The following SPIC variants were observed in gnomAD, a reference collection of about 807,000 sequenced individuals.
SPIC encodes Spi-C transcription factor.
A neutral mutation model predicts 16.7 loss-of-function variants in SPIC; 9 were observed. The ratio of observed to expected loss-of-function variants is 0.54; its 90% CI spans 0.33 to 0.94. The LOEUF (loss-of-function observed/expected upper bound fraction) is 0.94, where lower values mean the gene tolerates loss of function less well. Ranked by LOEUF, SPIC falls within the 40% of genes least tolerant of loss-of-function variation. The pLI is 0.03. For missense variants in SPIC, 241 were observed against 285.8 expected (o/e 0.84, Z 1.13); for synonymous variants, 97 against 102.9 (o/e 0.94, Z 0.35).
rs571057471 is a variant in SPIC at position 101,477,415 on chromosome 12, C to T, written c.4-143C>T. On this transcript the variant is annotated intron_variant, in intron 2 of 5. Transcript: ENST00000551346. ...ATCGTACAATGCACAGGCAGCCCCC[C>T]TGACAACAGAGACAGCCAACACCAA... 15 of 736,386 alleles carry T rather than the reference C, an allele frequency of 2.0e-5. No homozygotes were observed. The South Asian group carries it at 2.6e-4, about 13-fold the overall frequency. 45.6% of individuals were successfully genotyped at this position (736,386 alleles called of 1,614,324 possible). A position where few individuals can be genotyped will look rare whatever the true frequency, so the allele number is the denominator to read the frequency against.
At chr12:101,482,661 G>A in intron 4 of SPIC, 131 bp from the exon 5 acceptor site, 1 of 771,274 alleles carries the variant, frequency 1.3e-6, no homozygotes, top group Non-Finnish European at 2.2e-6. Flanking sequence ...CTATCTGGCT[G>A]CAGTTGGGGG....
intron 2 of SPIC, among the ~76,000 whole-genome samples, 173 bp from the exon 3 acceptor site, chr12:101,477,385 T>C (rs970047660): frequency 1.3e-5 from 2 of 152,108 alleles, no homozygotes; most frequent in African/African-American, 4.8e-5. Context: ...GGGAAGCTGC[T>C]AAACATCGTA....
Position 101,485,740 on chromosome 12 carries a change from T to A in SPIC, c.320-604T>A, listed in dbSNP as rs185895908. Among the ~76,000 whole-genome samples, 341 of 152,376 alleles carry A rather than the reference T, an allele frequency of 2.2e-3. 1 individual carries two copies. The highest frequency in any genetic ancestry group is 7.6e-3 in the African/African-American group (317 of 41,592). ...TTTTGAGGCTTCTCTTCGAAACTGCTAAACTTGTGGTCCATTTTGCTCAAT... is the reference window on the plus strand; with the variant it reads ...TTTTGAGGCTTCTCTTCGAAACTGCAAAACTTGTGGTCCATTTTGCTCAAT... On this transcript the variant is annotated intron_variant, in intron 5 of 5. Transcript: ENST00000551346.
chr12:101,478,854 G>A (rs536037598), intron 3 of SPIC, among the ~76,000 whole-genome samples: 1 of 152,132 alleles, frequency 6.6e-6, no homozygotes, highest in Admixed American at 6.6e-5. Flanking sequence ...GAAATCATGT[G>A]GGCAGGGCAT....
rs772854539 is a variant in SPIC, at chr12:101,479,294, AAG to A, written c.98-286_98-285del. On this transcript the variant is annotated intron_variant, in intron 3 of 5. Coordinates refer to ENST00000551346, the MANE Select transcript of SPIC (RefSeq NM_152323.3). ...AGAAAGAAAGAAAGAAAAAGAAAGA[AAG>A]AAAGAAAGAAAAAAGAAAGAAAGAA... Among the ~76,000 whole-genome samples the A allele has an allele frequency of 1.9e-4, 9 of 47,558 alleles. 2 individuals are homozygous for A. The highest frequency in any genetic ancestry group is 3.2e-4 in the Non-Finnish European group (8 of 25,128). 31.2% of individuals were successfully genotyped at this position (47,558 alleles called of 152,430 possible). A position where few individuals can be genotyped will look rare whatever the true frequency, so the allele number is the denominator to read the frequency against.
At chr12:101,485,230 A>G (rs1010434895) in intron 5 of SPIC, among the ~76,000 whole-genome samples, 8 of 152,198 alleles carry the variant, frequency 5.3e-5, no homozygotes, top group African/African-American at 1.7e-4. Flanking sequence ...TTTTTTAGCT[A>G]CTGACAGATC....
intron 1 of SPIC, among the ~76,000 whole-genome samples, chr12:101,476,518 T>C (rs191389986): frequency 1.2e-4 from 19 of 152,240 alleles, no homozygotes; most frequent in Admixed American, 1.2e-3. Context: ...AATTTTAGAA[T>C]ATTTAAAATA....
chr12:101,477,633 G>C lies in SPIC; in HGVS notation c.79G>C (p.Asp27His). 7 of 1,613,050 alleles carry C rather than the reference G, an allele frequency of 4.3e-6. No homozygotes were observed. The highest frequency in any genetic ancestry group is 1.1e-5 in the South Asian group (1 of 91,038). Reference protein sequence around the residue: ...FEVLRQHSTGDLQYSPDYRNY... With the variant: ...FEVLRQHSTGHLQYSPDYRNY... Reference sequence around the variant, plus strand: ...GGTTCTGAGGCAACATTCAACTGGAGATCTTCAGTACTCGCCAGGTAAAGA... The same window carrying C: ...GGTTCTGAGGCAACATTCAACTGGACATCTTCAGTACTCGCCAGGTAAAGA... Residue 27 changes from aspartate to histidine, a missense_variant, in exon 3 of 6, where the codon GAT becomes CAT. Asp to His is a moderately conservative substitution (Grantham distance 81). Transcript: ENST00000551346.
intron 4 of SPIC, 30 bp downstream of exon 4, chr12:101,479,724 G>A: frequency 6.6e-7 from 1 of 1,510,758 alleles, no homozygotes; most frequent in Non-Finnish European, 9.2e-7. Context: ...TTAATAACAG[G>A]CAAATATCCT....
Position 101,486,842 on chromosome 12 carries a change from C to G in SPIC, c.*71C>G. On this transcript the variant is annotated 3_prime_UTR_variant, in exon 6 of 6. Transcript: ENST00000551346. ...AAGTTTTAATGATTTCTCCCTCCCTCTCTTTTTTTCCTCCTCTGAAGAAAT... is the reference window on the plus strand; with the variant it reads ...AAGTTTTAATGATTTCTCCCTCCCTGTCTTTTTTTCCTCCTCTGAAGAAAT... 7.7e-7 allele frequency: 1 copy of G among 1,298,938 alleles called. No homozygotes were observed. The highest frequency in any genetic ancestry group is 1.0e-6 in the Non-Finnish European group (1 of 969,162). The allele number at this position is 1,298,938 out of a possible 1,614,324, so 80.5% of individuals were successfully genotyped here.
chr12:101,476,762 G>T (rs1265241885), intron 1 of SPIC, 66 bp from the exon 2 acceptor site: 10 of 439,114 alleles, frequency 2.3e-5, no homozygotes, highest in Non-Finnish European at 4.0e-5. Context: ...TTTTGAGCAA[G>T]ATCTTATTCA....
At position 101,479,600 on chromosome 12, in the gene SPIC, C is replaced by G; in HGVS notation, c.116C>G (p.Ala39Gly). ...QYSPDYRNYL[A>G]LINHRPHVKG... Reference sequence around the variant, plus strand: ...AAATTAGATTACAGAAATTACCTGGCTTTAATCAACCATCGTCCTCATGTC... The same window carrying G: ...AAATTAGATTACAGAAATTACCTGGGTTTAATCAACCATCGTCCTCATGTC... The change falls in exon 4 of 6, where the codon GCT becomes GGT. Residue 39 changes from alanine to glycine, a missense_variant. By Grantham distance (60) the Ala-to-Gly change is moderately conservative (BLOSUM62 0). Coordinates refer to ENST00000551346, the MANE Select transcript of SPIC (RefSeq NM_152323.3). The G allele has an allele frequency of 6.2e-7, 1 of 1,612,602 alleles. No individual in the cohort carries two copies. Among genetic ancestry groups the G allele is most frequent in the Non-Finnish European group, 8.5e-7 (1 of 1,179,310 alleles).
At chr12:101,486,140 C>T (rs1472549369) in intron 5 of SPIC, among the ~76,000 whole-genome samples, 3 of 152,168 alleles carry the variant, frequency 2.0e-5, no homozygotes, top group Non-Finnish European at 2.9e-5. Context: ...AAGAAAGATC[C>T]AGTTGAAACT....
intron 3 of SPIC, 40 bp downstream of exon 3, chr12:101,477,691 A>C (rs764994623): frequency 6.5e-7 from 1 of 1,540,666 alleles, no homozygotes; most frequent in Non-Finnish European, 9.0e-7. Flanking sequence ...TGGTACATCA[A>C]ATGGCTTGTT....
intron 4 of SPIC, 23 bp from the exon 5 acceptor site, chr12:101,482,769 A>G (rs1873244848): frequency 6.3e-7 from 1 of 1,591,374 alleles, no homozygotes; most frequent in Admixed American, 1.8e-5. Flanking sequence ...CTCACTTAAC[A>G]TCCTGCTTCA....
At chr12:101,481,223 C>G (rs1257078555) in intron 4 of SPIC, among the ~76,000 whole-genome samples, 2 of 151,090 alleles carry the variant, frequency 1.3e-5, no homozygotes, top group Non-Finnish European at 2.9e-5. Flanking sequence ...GTATTTTTCT[C>G]TCACCTAGGT....
chr12:101,477,645 T>C lies in SPIC; in HGVS notation c.91T>C (p.Ser31Pro). ...RQHSTGDLQY[S>P]PDYRNYLALI... ...ACATTCAACTGGAGATCTTCAGTACTCGCCAGGTAAAGATGAGTCATTTAC... is the reference window on the plus strand; with the variant it reads ...ACATTCAACTGGAGATCTTCAGTACCCGCCAGGTAAAGATGAGTCATTTAC... The change falls in exon 3 of 6, where the codon TCG becomes CCG. Residue 31 changes from serine (S) to proline (P), a missense_variant. Coordinates refer to ENST00000551346, the MANE Select transcript of SPIC (RefSeq NM_152323.3). 3 of 1,612,370 alleles carry C rather than the reference T, an allele frequency of 1.9e-6. No individual in the cohort carries two copies. Among genetic ancestry groups the C allele is most frequent in the Non-Finnish European group, 2.5e-6 (3 of 1,179,522 alleles).
In SPIC at chr12:101,476,841, T is replaced by A; in HGVS notation, c.-64T>A. On this transcript the variant is annotated 5_prime_UTR_variant, in exon 2 of 6. The change creates a premature stop within an existing upstream ORF in the 5' untranslated region. Coordinates refer to ENST00000551346, the MANE Select transcript of SPIC (RefSeq NM_152323.3). ...AAACTTTTTCAGGATTGTCAACTTA[T>A]TTTATTTTATTTTCTTCAAGCAACA... 6 of 1,155,552 alleles carry A rather than the reference T, an allele frequency of 5.2e-6. No homozygotes were observed. The allele number at this position is 1,155,552 out of a possible 1,614,324, so 71.6% of individuals were successfully genotyped here. A position where few individuals can be genotyped will look rare whatever the true frequency, so the allele number is the denominator to read the frequency against.
rs1462183940 is a variant in SPIC at position 101,477,411 on chromosome 12, C to A, written c.4-147C>A. 4.3e-6 allele frequency: 3 copies of A among 702,722 alleles called. No homozygotes were observed. The East Asian group carries it at 8.1e-5, about 19-fold the overall frequency. 43.5% of individuals were successfully genotyped at this position (702,722 alleles called of 1,614,324 possible). A position where few individuals can be genotyped will look rare whatever the true frequency, so the allele number is the denominator to read the frequency against. ...AAACATCGTACAATGCACAGGCAGC[C>A]CCCCTGACAACAGAGACAGCCAACA... On this transcript the variant is annotated intron_variant, in intron 2 of 5. Coordinates refer to ENST00000551346, the MANE Select transcript of SPIC (RefSeq NM_152323.3).
Sources: allele counts gnomAD v4.1 joint callset (sites outside exome capture counted in the v4.1 genomes callset), GRCh38; gene constraint gnomAD v4.1.1; transcripts MANE v1.5; gene names NCBI Gene and HGNC (gene_info 2026-07-23, HGNC 2026-07-21).